The following CEMIP variants were observed in gnomAD, a reference collection of about 807,000 sequenced individuals.
The protein encoded by CEMIP is cell migration-inducing and hyaluronan-binding protein.
CEMIP carries 105 observed loss-of-function variants against 156.9 expected under a neutral mutation model. The observed-to-expected ratio is 0.67, with a 90% CI of 0.57 to 0.79. The LOEUF is 0.79. Ranked by LOEUF, CEMIP falls within the 30% of genes least tolerant of loss-of-function variation. The pLI is 0.00. For missense variants in CEMIP, 1,457 were observed against 1,769.4 expected (o/e 0.82, Z 3.17); for synonymous variants, 676 against 668.4 (o/e 1.01, Z -0.17).
chr15:80,841,898 CTG>C (rs1328549717), intron 1 of CEMIP: 1 of 242,982 alleles, frequency 4.1e-6, no homozygotes, highest in East Asian at 1.6e-4. Context: ...TCCTGCAACT[CTG>C]TTCCTCATCT....
rs535891220 is a variant in CEMIP at position 80,822,220 on chromosome 15, C to T, written c.-176+42606C>T. On this transcript the variant is annotated intron_variant, in intron 1 of 29. Coordinates refer to ENST00000394685, the MANE Select transcript of CEMIP (RefSeq NM_001293298.2). ...ATGTGTTTCCCATCAGTCCCAGTGC[C>T]GAGCCCAGAGCCTGGTTTTCTGCAG... Among the ~76,000 whole-genome samples, 40 of 152,288 alleles carry T rather than the reference C, an allele frequency of 2.6e-4. No homozygotes were observed. The East Asian group carries it at 4.2e-3, about 16-fold the overall frequency.
intron 1 of CEMIP, among the ~76,000 whole-genome samples, chr15:80,796,720 A>G (rs1254824655): frequency 1.3e-5 from 2 of 152,174 alleles, no homozygotes; most frequent in Admixed American, 6.5e-5. Context: ...CAACCACTCT[A>G]CACCAGACAT....
chr15:80,805,634 T>C (rs879653898), intron 1 of CEMIP, among the ~76,000 whole-genome samples: 2 of 152,200 alleles, frequency 1.3e-5, no homozygotes, highest in Non-Finnish European at 2.9e-5. Context: ...TTTAAATATA[T>C]ACAAACATAA....
chr15:80,798,345 C>T (rs1208944014), intron 1 of CEMIP, among the ~76,000 whole-genome samples: 1 of 152,104 alleles, frequency 6.6e-6, no homozygotes, highest in Admixed American at 6.5e-5. Context: ...AAAATAACAT[C>T]AAATTTTTCT....
At chr15:80,831,146 G>A (rs1275545999) in intron 1 of CEMIP, among the ~76,000 whole-genome samples, 7 of 152,202 alleles carry the variant, frequency 4.6e-5, no homozygotes, top group East Asian at 1.9e-4. Flanking sequence ...GGTGACCTCA[G>A]GAGACTGATA....
intron 1 of CEMIP, among the ~76,000 whole-genome samples, chr15:80,833,614 C>T (rs1393586962): frequency 6.6e-6 from 1 of 151,692 alleles, no homozygotes; most frequent in Non-Finnish European, 1.5e-5. Context: ...GTCAAGATGG[C>T]TCTACCCTCC....
rs375985607 is a variant in CEMIP, at chr15:80,924,736, C to T, written c.2288+30C>T. ...TCAGCCATTGGGAAGACACAGTCCACGGTGACCTTGCAGTCCAGCTCCTGC... is the reference window on the plus strand; with the variant it reads ...TCAGCCATTGGGAAGACACAGTCCATGGTGACCTTGCAGTCCAGCTCCTGC... On this transcript the variant is annotated intron_variant, in intron 18 of 29. Coordinates refer to ENST00000394685, the MANE Select transcript of CEMIP (RefSeq NM_001293298.2). The T allele has an allele frequency of 1.3e-5, 21 of 1,592,432 alleles. 1 individual carries two copies. The highest frequency in any genetic ancestry group is 8.3e-5 in the Admixed American group (5 of 59,888).
chr15:80,904,280 T>C (rs902973402), intron 12 of CEMIP, among the ~76,000 whole-genome samples: 1 of 152,180 alleles, frequency 6.6e-6, no homozygotes, highest in Non-Finnish European at 1.5e-5. Flanking sequence ...AGTCCCAGCA[T>C]TTTGGGATCC....
At chr15:80,915,335 C>G (rs1022402312) in intron 14 of CEMIP, among the ~76,000 whole-genome samples, 2 of 152,252 alleles carry the variant, frequency 1.3e-5, no homozygotes, top group Non-Finnish European at 2.9e-5. Flanking sequence ...CAAAGTCAGT[C>G]TGGCCTACGC....
At chr15:80,786,556 C>T (rs1285425673) in intron 1 of CEMIP, among the ~76,000 whole-genome samples, 2 of 140,630 alleles carry the variant, frequency 1.4e-5, no homozygotes, top group Non-Finnish European at 3.0e-5. Context: ...GGATGTCTTG[C>T]TGTGTGTGTG....
chr15:80,945,668 G>A (rs930194529), intron 28 of CEMIP, among the ~76,000 whole-genome samples: 1 of 152,162 alleles, frequency 6.6e-6, no homozygotes, highest in Non-Finnish European at 1.5e-5. Flanking sequence ...GACACAAATG[G>A]GGGTAACAAC....
chr15:80,797,729 C>T (rs1043924736), intron 1 of CEMIP, among the ~76,000 whole-genome samples: 69 of 152,280 alleles, frequency 4.5e-4, no homozygotes, highest in African/African-American at 1.7e-3. Flanking sequence ...ACTTAGGTGC[C>T]CATAACAGCC....
chr15:80,937,107 C>G (rs1041611504), intron 24 of CEMIP, among the ~76,000 whole-genome samples: 2 of 152,226 alleles, frequency 1.3e-5, no homozygotes, highest in African/African-American at 4.8e-5. Context: ...ACCTCTTGAG[C>G]CTGAGCTCCT....
chr15:80,795,574 A>G (rs1896202527), intron 1 of CEMIP, among the ~76,000 whole-genome samples: 1 of 152,134 alleles, frequency 6.6e-6, no homozygotes, highest in African/African-American at 2.4e-5. Context: ...GCTGGAGATT[A>G]TACTCCAGGA....
intron 1 of CEMIP, among the ~76,000 whole-genome samples, chr15:80,848,879 C>A (rs1452907520): frequency 3.1e-5 from 4 of 129,714 alleles, no homozygotes; most frequent in Non-Finnish European, 6.3e-5. Context: ...TCAGTGTGTT[C>A]TCTGATGAGC....
intron 25 of CEMIP, among the ~76,000 whole-genome samples, chr15:80,939,681 T>C (rs1901267351): frequency 2.0e-5 from 3 of 152,200 alleles, no homozygotes; most frequent in South Asian, 4.1e-4. Context: ...CCTATGCCTG[T>C]TGATCATTGT....
At chr15:80,928,458 A>G (rs1216629769) in intron 19 of CEMIP, among the ~76,000 whole-genome samples, 1 of 152,098 alleles carries the variant, frequency 6.6e-6, no homozygotes, top group Admixed American at 6.6e-5. Flanking sequence ...TATGGCTGAA[A>G]CAGCAGTGAA....
intron 25 of CEMIP, among the ~76,000 whole-genome samples, chr15:80,940,477 T>A (rs532538214): frequency 6.6e-6 from 1 of 152,334 alleles, no homozygotes; most frequent in East Asian, 1.9e-4. Context: ...TGGGCAGCAC[T>A]GAACTGCCTT....
chr15:80,942,445 AG>A, intron 27 of CEMIP, 108 bp downstream of exon 27: 2 of 970,148 alleles, frequency 2.1e-6, no homozygotes, highest in Non-Finnish European at 3.3e-6. Context: ...AGGTGTTGGC[AG>A]GGGTGGTTTC....
Sources: allele counts gnomAD v4.1 joint callset (sites outside exome capture counted in the v4.1 genomes callset), GRCh38; gene constraint gnomAD v4.1.1; transcripts MANE v1.5; gene names NCBI Gene and HGNC (gene_info 2026-07-23, HGNC 2026-07-21).